The following MPHOSPH6 variants were observed in gnomAD, a reference collection of about 807,000 sequenced individuals.
The protein encoded by MPHOSPH6 is M-phase phosphoprotein 6.
A neutral mutation model predicts 21.8 loss-of-function variants in MPHOSPH6; 25 were observed. The ratio of observed to expected loss-of-function variants is 1.15; its 90% CI spans 0.83 to 1.60. MPHOSPH6 has a LOEUF of 1.60. MPHOSPH6 is among the 40% of genes most tolerant of loss of function. The pLI is 0.00. For missense variants in MPHOSPH6, 269 were observed against 181.8 expected (o/e 1.48, Z -2.76); for synonymous variants, 84 against 56.5 (o/e 1.49, Z -2.18).
chr16:82,155,908 A>C (rs1287633581), intron 2 of MPHOSPH6, among the ~76,000 whole-genome samples: 2 of 151,960 alleles, frequency 1.3e-5, no homozygotes, highest in Non-Finnish European at 2.9e-5. Flanking sequence ...CTGTCTCAAA[A>C]AAAAAAAAAA....
At chr16:82,155,761 G>A (rs1033894305) in intron 2 of MPHOSPH6, among the ~76,000 whole-genome samples, 11 of 152,038 alleles carry the variant, frequency 7.2e-5, no homozygotes, top group Admixed American at 2.6e-4. Context: ...AAAATTAGCC[G>A]GGTGTGGTGG....
chr16:82,169,313 T>A (rs1375234680), intron 1 of MPHOSPH6, among the ~76,000 whole-genome samples: 1 of 152,236 alleles, frequency 6.6e-6, no homozygotes, highest in Non-Finnish European at 1.5e-5. Context: ...CATGGTTTTC[T>A]TTTTCTTTCT....
At chr16:82,163,923 C>A in intron 2 of MPHOSPH6, 159 bp downstream of exon 2, 1 of 566,114 alleles carries the variant, frequency 1.8e-6, no homozygotes, top group South Asian at 2.5e-5. Flanking sequence ...CCATGTACAA[C>A]TTCTATAGGT....
intron 3 of MPHOSPH6, 171 bp downstream of exon 3, chr16:82,151,253 A>G (rs1040443253): frequency 2.3e-6 from 2 of 882,408 alleles, no homozygotes; most frequent in African/African-American, 3.4e-5. Flanking sequence ...CCATAAAACT[A>G]GACTGCAATG....
chr16:82,169,898 T>A (rs2967361), intron 1 of MPHOSPH6, among the ~76,000 whole-genome samples: 2 of 152,180 alleles, frequency 1.3e-5, no homozygotes, highest in Non-Finnish European at 2.9e-5. Context: ...TTCTGTGTAC[T>A]CAAGCTCCCA....
intron 2 of MPHOSPH6, among the ~76,000 whole-genome samples, chr16:82,158,187 C>T (rs1166477549): frequency 6.6e-6 from 1 of 152,016 alleles, no homozygotes; most frequent in Non-Finnish European, 1.5e-5. Flanking sequence ...AATTGAAACT[C>T]TATATATAAG....
chr16:82,164,842 T>G (rs147626307), intron 1 of MPHOSPH6: 1 of 152,348 alleles, frequency 6.6e-6, no homozygotes, highest in Non-Finnish European at 1.5e-5. Context: ...TGCTAAACTC[T>G]TGAGCTGCTC....
intron 2 of MPHOSPH6, 162 bp downstream of exon 2, chr16:82,163,920 C>A: frequency 3.6e-6 from 2 of 550,990 alleles, no homozygotes; most frequent in African/African-American, 1.9e-5. Context: ...AATCCATGTA[C>A]AACTTCTATA....
At chr16:82,151,184 T>A (rs990710413) in intron 3 of MPHOSPH6, 1 of 295,780 alleles carries the variant, frequency 3.4e-6, no homozygotes, top group Non-Finnish European at 6.1e-6. Context: ...AATTTTAATA[T>A]TTATGGTGGC....
intron 1 of MPHOSPH6, among the ~76,000 whole-genome samples, chr16:82,169,813 C>A (rs1906910589): frequency 6.6e-6 from 1 of 152,176 alleles, no homozygotes; most frequent in Non-Finnish European, 1.5e-5. Context: ...AACAACTTCT[C>A]GAGAAGCTCG....
At chr16:82,158,249 G>A (rs1906492580) in intron 2 of MPHOSPH6, among the ~76,000 whole-genome samples, 2 of 151,836 alleles carry the variant, frequency 1.3e-5, no homozygotes, top group South Asian at 4.2e-4. Flanking sequence ...AGCAGTTTGG[G>A]AGGCCGAAGC....
intron 2 of MPHOSPH6, among the ~76,000 whole-genome samples, chr16:82,159,763 G>A (rs1002909659): frequency 2.0e-5 from 3 of 152,252 alleles, no homozygotes; most frequent in Middle Eastern, 3.4e-3. Flanking sequence ...AAAACTCTGA[G>A]AACCACTGTG....
intron 2 of MPHOSPH6, among the ~76,000 whole-genome samples, chr16:82,161,366 G>C (rs1906602342): frequency 6.6e-6 from 1 of 152,166 alleles, no homozygotes; most frequent in African/African-American, 2.4e-5. Flanking sequence ...GGTCCCTATA[G>C]CTTCTGACTC....
At chr16:82,164,775 A>G (rs1280281480) in intron 1 of MPHOSPH6, 1 of 152,340 alleles carries the variant, frequency 6.6e-6, no homozygotes, top group Non-Finnish European at 1.5e-5. Context: ...AAATGTAGGC[A>G]GAAGCAAAGG....
chr16:82,162,441 A>G (rs1906636433), intron 2 of MPHOSPH6: 1 of 152,276 alleles, frequency 6.6e-6, no homozygotes, highest in African/African-American at 2.4e-5. Context: ...ACTTGAACGT[A>G]ATGCACGGAA....
At chr16:82,156,650 T>C (rs899347261) in intron 2 of MPHOSPH6, among the ~76,000 whole-genome samples, 1 of 152,182 alleles carries the variant, frequency 6.6e-6, no homozygotes, top group African/African-American at 2.4e-5. Context: ...AGTGAAAGTG[T>C]AAAATCATAG....
intron 2 of MPHOSPH6, among the ~76,000 whole-genome samples, chr16:82,154,811 G>C (rs1209931452): frequency 1.3e-5 from 2 of 152,226 alleles, no homozygotes; most frequent in East Asian, 1.9e-4. Flanking sequence ...ATTTCACCAA[G>C]CATTTAAGGA....
chr16:82,153,100 C>T (rs541342976), intron 2 of MPHOSPH6, among the ~76,000 whole-genome samples: 2 of 152,052 alleles, frequency 1.3e-5, no homozygotes, highest in African/African-American at 4.8e-5. Context: ...GCACTCCAGC[C>T]TGGGTGACAG....
intron 2 of MPHOSPH6, among the ~76,000 whole-genome samples, chr16:82,161,361 C>T (rs1906602067): frequency 6.6e-6 from 1 of 152,174 alleles, no homozygotes; most frequent in African/African-American, 2.4e-5. Context: ...TTTCAGGTCC[C>T]TATAGCTTCT....
Sources: gnomAD v4.1 joint callset for allele counts (sites outside exome capture counted in the v4.1 genomes callset) on GRCh38, gnomAD v4.1.1 for gene constraint, MANE v1.5 for transcripts, NCBI Gene and HGNC (gene_info 2026-07-23, HGNC 2026-07-21) for gene names.